PIK3C2G: variants seen among roughly 807,000 people sequenced by gnomAD.
PIK3C2G encodes the protein phosphatidylinositol-4-phosphate 3-kinase catalytic subunit type 2 gamma.
In PIK3C2G, 168 loss-of-function variants were observed where a neutral mutation model predicts 181.1. The ratio of observed to expected loss-of-function variants is 0.93; its 90% CI spans 0.82 to 1.05. The LOEUF is 1.05. Among genes scored for constraint, PIK3C2G ranks in the 50% least tolerant of loss-of-function variants. The pLI is 0.00. For missense variants in PIK3C2G, 1,869 were observed against 1,732.8 expected, an observed-to-expected ratio of 1.08 and a Z score of -1.40; for synonymous variants, 573 against 592.2, an observed-to-expected ratio of 0.97 and a Z score of 0.47.
intron 1 of PIK3C2G, among the ~76,000 whole-genome samples, chr12:18,248,584 ACAACAACAAC>A (rs1171906286): frequency 4.7e-5 from 2 of 42,126 alleles, no homozygotes; most frequent in Non-Finnish European, 1.2e-4. Context: ...CAAAACAACA[ACAACAACAAC>A]AACAACAACA....
Position 18,414,742 on chromosome 12 carries a change from A to T in PIK3C2G, c.2316-6199A>T, listed in dbSNP as rs188576092. Among the ~76,000 whole-genome samples, 1,065 of 152,324 alleles carry T rather than the reference A, an allele frequency of 7.0e-3. 6 individuals carry two copies. The highest frequency in any genetic ancestry group is 0.019 in the African/African-American group (780 of 41,572). ...TTTGTTTTTGGTTTTGTTTTAATAC[A>T]TGTTGACCTATATTGCCAACAAGTA... On this transcript the variant is annotated intron_variant, in intron 16 of 32. Transcript: ENST00000538779.
At chr12:18,517,771 G>A (rs980386555) in intron 24 of PIK3C2G, among the ~76,000 whole-genome samples, 1 of 152,072 alleles carries the variant, frequency 6.6e-6, no homozygotes, top group African/African-American at 2.4e-5. Flanking sequence ...ATACTATGTT[G>A]AATAGGAGTG....
At chr12:18,441,726 T>C (rs1183420701) in intron 18 of PIK3C2G, among the ~76,000 whole-genome samples, 2 of 152,062 alleles carry the variant, frequency 1.3e-5, no homozygotes, top group African/African-American at 4.8e-5. Flanking sequence ...CTTATAGTAA[T>C]AGAGAAGTCT....
the PIK3C2G span, among the ~76,000 whole-genome samples, chr12:18,711,094 T>C: frequency 6.6e-6 from 1 of 152,064 alleles, no homozygotes; most frequent in Admixed American, 6.5e-5. Flanking sequence ...TATATGTTTA[T>C]TGCGGCACTA....
rs573752132 is a variant in PIK3C2G at position 18,347,376 on chromosome 12, C to CTACTA, written c.1625+541_1625+542insACTAT. ...AATATCATCAGATTTTAAGTTGACTCTGTAGTATTTTCTTCAATAACATAA... is the reference window on the plus strand; with the variant it reads ...AATATCATCAGATTTTAAGTTGACTCTACTATGTAGTATTTTCTTCAATAACATAA... On this transcript the variant is annotated intron_variant, in intron 11 of 32. Coordinates refer to ENST00000538779, the MANE Select transcript of PIK3C2G (RefSeq NM_001288772.2). Among the ~76,000 whole-genome samples the CTACTA allele has an allele frequency of 4.2e-3, 632 of 152,190 alleles. 1 individual carries two copies. Among genetic ancestry groups the CTACTA allele is most frequent in the African/African-American group, 0.014 (594 of 41,516 alleles).
chr12:18,544,934 C>T (rs1223166970), intron 25 of PIK3C2G, among the ~76,000 whole-genome samples: 6 of 151,872 alleles, frequency 4.0e-5, no homozygotes, highest in African/African-American at 1.2e-4. Context: ...AATGACTGAT[C>T]TTCATTCCTA....
intron 26 of PIK3C2G, among the ~76,000 whole-genome samples, chr12:18,558,156 A>G (rs1945110588): frequency 6.6e-6 from 1 of 152,212 alleles, no homozygotes. Flanking sequence ...ACAGAGATAG[A>G]CAAAGAGATA....
chr12:18,640,508 A>G lies in PIK3C2G; in HGVS notation c.4262A>G (p.Lys1421Arg). 6.2e-7 allele frequency: 1 copy of G among 1,605,844 alleles called. No homozygotes were observed. Among genetic ancestry groups the G allele is most frequent in the Non-Finnish European group, 8.5e-7 (1 of 1,175,258 alleles). Reference sequence around the variant, plus strand: ...TATCCCAGTGAAGTTCGTAGGAGGAAAACAAAATCTGTTCCAAAATGTACG... The same window carrying G: ...TATCCCAGTGAAGTTCGTAGGAGGAGAACAAAATCTGTTCCAAAATGTACG... ...LPYPSEVRRR[K>R]TKSVPKCTDP... Residue 1421 changes from lysine (K) to arginine (R), a missense_variant, in exon 32 of 33, where the codon AAA becomes AGA. Transcript: ENST00000538779.
At chr12:18,599,577 A>G (rs953672817) in intron 30 of PIK3C2G, among the ~76,000 whole-genome samples, 1 of 152,036 alleles carries the variant, frequency 6.6e-6, no homozygotes, top group African/African-American at 2.4e-5. Flanking sequence ...GCAGCACACC[A>G]GCATGGCACA....
At chr12:18,296,479 C>T (rs1164150036) in intron 5 of PIK3C2G, among the ~76,000 whole-genome samples, 2 of 151,924 alleles carry the variant, frequency 1.3e-5, no homozygotes, top group African/African-American at 4.8e-5. Context: ...CTTAGACTCT[C>T]CAAAAATTAT....
the PIK3C2G span, chr12:18,701,713 TTTCATGGGTTTCCTTTAAGG>T: frequency 9.9e-6 from 16 of 1,612,930 alleles, no homozygotes. Flanking sequence ...GAACCTTTTC[TTTCATGGGTTTCCTTTAAGG>T]TTCCTATTTT....
chr12:18,530,146 T>G (rs1319256417), intron 24 of PIK3C2G, among the ~76,000 whole-genome samples: 1 of 152,190 alleles, frequency 6.6e-6, no homozygotes, highest in African/African-American at 2.4e-5. Context: ...CTCCCTGCTT[T>G]AAGCAGATGA....
chr12:18,690,639 AC>A, the PIK3C2G span, among the ~76,000 whole-genome samples: 3 of 152,190 alleles, frequency 2.0e-5, no homozygotes, highest in Non-Finnish European at 4.4e-5. Context: ...AGAGGGTGTT[AC>A]GGAAAACAGC....
chr12:18,439,803 G>A (rs1011005499), intron 18 of PIK3C2G, among the ~76,000 whole-genome samples: 8 of 151,970 alleles, frequency 5.3e-5, no homozygotes, highest in African/African-American at 1.7e-4. Context: ...ACTAAACAAT[G>A]ATTTTGCAAT....
At chr12:18,552,403 T>A (rs1179757433) in intron 26 of PIK3C2G, among the ~76,000 whole-genome samples, 1 of 152,144 alleles carries the variant, frequency 6.6e-6, no homozygotes, top group Non-Finnish European at 1.5e-5. Flanking sequence ...TAAATTTTCT[T>A]ATTTTTTTTA....
intron 18 of PIK3C2G, among the ~76,000 whole-genome samples, chr12:18,427,120 C>T (rs1241293804): frequency 6.6e-6 from 1 of 151,938 alleles, no homozygotes; most frequent in East Asian, 1.9e-4. Context: ...TTAAAATGCA[C>T]ACATATTAAA....
chr12:18,292,831 G>T (rs193101654), intron 4 of PIK3C2G, among the ~76,000 whole-genome samples: 157 of 152,262 alleles, frequency 1.0e-3, no homozygotes, highest in African/African-American at 3.7e-3. Context: ...GGTGGATTTG[G>T]AGTCTGACAG....
intron 12 of PIK3C2G, among the ~76,000 whole-genome samples, chr12:18,367,430 T>C (rs1230721975): frequency 2.6e-5 from 4 of 152,200 alleles, no homozygotes; most frequent in African/African-American, 9.6e-5. Flanking sequence ...CAATAGAAGA[T>C]TCTTCTCACT....
chr12:18,423,922 A>C, intron 17 of PIK3C2G, 23 bp from the exon 18 acceptor site: 1 of 1,482,842 alleles, frequency 6.7e-7, no homozygotes, highest in Non-Finnish European at 9.4e-7. Flanking sequence ...TGAGAAGTAA[A>C]GTAATTGTGT....
Sources: gnomAD v4.1 joint callset for allele counts (sites outside exome capture counted in the v4.1 genomes callset) on GRCh38, gnomAD v4.1.1 for gene constraint, MANE v1.5 for transcripts, NCBI Gene and HGNC (gene_info 2026-07-23, HGNC 2026-07-21) for gene names.